The following CLIP1 variants were observed in gnomAD, a reference collection of about 807,000 sequenced individuals.
CLIP1 encodes the protein CAP-Gly domain containing linker protein 1, also known as CAP-Gly domain-containing linker protein 1.
A neutral mutation model predicts 161.6 loss-of-function variants in CLIP1; 66 were observed. That is an observed-to-expected ratio of 0.41 (90% CI 0.33 to 0.50). The LOEUF (loss-of-function observed/expected upper bound fraction) is 0.50. Among genes scored for constraint, CLIP1 ranks in the 20% least tolerant of loss-of-function variants. The probability of loss-of-function intolerance (pLI) is 0.27; values close to 1 mark genes in which losing one functional copy is unlikely to be tolerated. For missense variants in CLIP1, 1,376 were observed against 1,702.0 expected (o/e 0.81, Z 3.37); for synonymous variants, 598 against 626.2 (o/e 0.96, Z 0.67).
chr12:122,274,922 GCTCA>G (rs1457094419), intron 24 of CLIP1: 1 of 152,204 alleles, frequency 6.6e-6, no homozygotes, highest in Non-Finnish European at 1.5e-5. Flanking sequence ...CTCGATCTCG[GCTCA>G]CTGCGACCTC....
chr12:122,276,592 C>T (rs1042549528), intron 24 of CLIP1: 8 of 783,138 alleles, frequency 1.0e-5, no homozygotes, highest in South Asian at 9.3e-5. Flanking sequence ...AGTGTTGAAT[C>T]GTTTTGTGCC....
intron 17 of CLIP1, among the ~76,000 whole-genome samples, chr12:122,327,691 C>T (rs1282542606): frequency 2.6e-5 from 4 of 151,926 alleles, no homozygotes; most frequent in South Asian, 4.2e-4. Context: ...AAACAAGCAG[C>T]ACAGGGGTGA....
chr12:122,326,427 C>T (rs1298122282), intron 17 of CLIP1, among the ~76,000 whole-genome samples: 6 of 152,206 alleles, frequency 3.9e-5, no homozygotes, highest in Admixed American at 3.3e-4. Flanking sequence ...CGCCTGCAAT[C>T]CCAGCACCTT....
chr12:122,288,145 G>A (rs1171577551), intron 21 of CLIP1, among the ~76,000 whole-genome samples: 1 of 151,746 alleles, frequency 6.6e-6, no homozygotes, highest in African/African-American at 2.4e-5. Context: ...TGATTCTCCT[G>A]CCTCAGCCTC....
chr12:122,400,512 TTTGGGGGCACATGGGAA>T (rs1227835678), intron 1 of CLIP1: 2 of 149,438 alleles, frequency 1.3e-5, no homozygotes, highest in African/African-American at 2.5e-5. Flanking sequence ...ACAGAAGGGC[TTTGGGGGCACATGGGAA>T]ATGGCTCTCC....
intron 1 of CLIP1, among the ~76,000 whole-genome samples, chr12:122,419,324 G>A (rs1304396637): frequency 6.6e-6 from 1 of 150,458 alleles, no homozygotes; most frequent in African/African-American, 2.5e-5. Flanking sequence ...AACCAAAATT[G>A]CACCACTACA....
At chr12:122,411,250 TACTAAA>T (rs1956521184) in intron 1 of CLIP1, among the ~76,000 whole-genome samples, 3 of 152,136 alleles carry the variant, frequency 2.0e-5, no homozygotes, top group Admixed American at 2.0e-4. Flanking sequence ...ACCCTGTCTC[TACTAAA>T]ACTATAAAAA....
At chr12:122,291,058 A>AT (rs1168351887) in intron 20 of CLIP1, among the ~76,000 whole-genome samples, 2 of 151,552 alleles carry the variant, frequency 1.3e-5, no homozygotes. Flanking sequence ...TGCCTGGATC[A>AT]TTTTTTGTAT....
At chr12:122,308,315 G>A (rs1950948593) in intron 20 of CLIP1, among the ~76,000 whole-genome samples, 1 of 152,230 alleles carries the variant, frequency 6.6e-6, no homozygotes, top group Admixed American at 6.5e-5. Flanking sequence ...TGAAATGACA[G>A]GAGATGGCAA....
At chr12:122,360,143 C>CT (rs1338356992) in intron 5 of CLIP1, among the ~76,000 whole-genome samples, 4 of 152,134 alleles carry the variant, frequency 2.6e-5, no homozygotes, top group African/African-American at 9.7e-5. Flanking sequence ...CAAGAGTTCC[C>CT]TTTAGTGTCC....
At chr12:122,387,973 A>G (rs962579179) in intron 1 of CLIP1, among the ~76,000 whole-genome samples, 5 of 152,144 alleles carry the variant, frequency 3.3e-5, no homozygotes, top group African/African-American at 1.2e-4. Flanking sequence ...TAACATACAT[A>G]AACAAAAGCT....
At chr12:122,340,661 T>C (rs1172568432) in intron 11 of CLIP1, 92 bp downstream of exon 11, 3 of 1,039,886 alleles carry the variant, frequency 2.9e-6, no homozygotes, top group Admixed American at 5.2e-5. Context: ...AATCAGCAAT[T>C]TGGAAGATGA....
chr12:122,326,174 A>G (rs950778853), intron 17 of CLIP1, among the ~76,000 whole-genome samples: 2 of 152,236 alleles, frequency 1.3e-5, no homozygotes, highest in Admixed American at 1.3e-4. Flanking sequence ...TAGATACTAG[A>G]CACGTTTGGA....
At chr12:122,406,896 A>C (rs1325135231) in intron 1 of CLIP1, among the ~76,000 whole-genome samples, 2 of 152,112 alleles carry the variant, frequency 1.3e-5, no homozygotes, top group Admixed American at 6.6e-5. Context: ...TAGCACGCAG[A>C]AAATAAAGAG....
intron 3 of CLIP1, chr12:122,365,343 A>G: frequency 2.1e-6 from 2 of 962,392 alleles, no homozygotes; most frequent in South Asian, 1.3e-5. Context: ...CAAAAGTGGA[A>G]GTCTACAATG....
Position 122,334,701 on chromosome 12 carries a change from T to C in CLIP1, c.2573A>G (p.Glu858Gly). ...CTCCTCTGAAGCTTCAGCAAACTTT[T>C]CTTTCTAAAGAAAAAGAATGAGAGA... is the stretch of plus-strand genomic sequence containing the variant. ...TLEKELQILK[E>G]KFAEASEEAV... is the part of the protein sequence containing the mutation. The change falls in exon 13 of 26, where the codon GAA (glutamate) becomes GGA (glycine). Residue 858 changes from glutamate (E) to glycine (G), a missense_variant. Glu to Gly is a moderately conservative substitution (Grantham distance 98). Transcript: ENST00000620786. The C allele has an allele frequency of 1.9e-6, 3 of 1,569,848 alleles. No individual in the cohort carries two copies. The highest frequency in any genetic ancestry group is 2.6e-6 in the Non-Finnish European group (3 of 1,152,552).
At chr12:122,316,686 T>C in intron 19 of CLIP1, 63 bp downstream of exon 19, 2 of 1,001,726 alleles carry the variant, frequency 2.0e-6, no homozygotes, top group South Asian at 3.3e-5. Flanking sequence ...GTAATTAGCA[T>C]TGTGTTCACA....
intron 1 of CLIP1, among the ~76,000 whole-genome samples, chr12:122,415,209 C>T (rs1287039484): frequency 6.6e-6 from 1 of 152,142 alleles, no homozygotes; most frequent in African/African-American, 2.4e-5. Flanking sequence ...TGGCTGGGCG[C>T]AGTGGCTCAC....
chr12:122,272,153 T>A lies in CLIP1; in HGVS notation c.*722A>T, dbSNP rs1322056501. 1.3e-5 allele frequency: 2 copies of A among 152,382 alleles called. No homozygotes were observed. The highest frequency in any genetic ancestry group is 2.4e-5 in the African/African-American group (1 of 41,460). 9.4% of individuals were successfully genotyped at this position (152,382 alleles called of 1,614,324 possible). A position where few individuals can be genotyped will look rare whatever the true frequency, so the allele number is the denominator to read the frequency against. ...GTTTTTTTCCCAAAATATAGATTTTTAAAAAATATATACATACAATATATA... is the reference window on the plus strand; with the variant it reads ...GTTTTTTTCCCAAAATATAGATTTTAAAAAAATATATACATACAATATATA... On this transcript the variant is annotated 3_prime_UTR_variant, in exon 26 of 26. Coordinates refer to ENST00000620786, the MANE Select transcript of CLIP1 (RefSeq NM_001247997.2).
Sources: gnomAD v4.1 joint callset for allele counts (sites outside exome capture counted in the v4.1 genomes callset) on GRCh38, gnomAD v4.1.1 for gene constraint, MANE v1.5 for transcripts, NCBI Gene and HGNC (gene_info 2026-07-23, HGNC 2026-07-21) for gene names.